Variants in ORC4 observed in about 807,000 individuals in gnomAD.
The protein encoded by ORC4 is origin recognition complex, subunit 4 homolog.
A neutral mutation model predicts 63.9 loss-of-function variants in ORC4; 55 were observed. The ratio of observed to expected loss-of-function variants is 0.86; its 90% CI spans 0.69 to 1.08. The LOEUF is 1.08. Ranked by LOEUF, ORC4 falls within the 50% of genes least tolerant of loss-of-function variation. ORC4 has a pLI of 0.00. For synonymous variants in ORC4, 150 were observed against 168.5 expected, an observed-to-expected ratio of 0.89 and a Z score of 0.85; for missense variants, 511 against 504.4, an observed-to-expected ratio of 1.01 and a Z score of -0.13.
At chr2:148,008,993 C>G (rs1692789793) in intron 1 of ORC4, among the ~76,000 whole-genome samples, 1 of 151,706 alleles carries the variant, frequency 6.6e-6, no homozygotes, top group Non-Finnish European at 1.5e-5. Flanking sequence ...TATATAGAGA[C>G]AAAAAGTCAA....
At chr2:147,977,934 T>C (rs898900868) in intron 1 of ORC4, among the ~76,000 whole-genome samples, 1 of 152,092 alleles carries the variant, frequency 6.6e-6, no homozygotes, top group Non-Finnish European at 1.5e-5. Context: ...CAGTCAAGAC[T>C]TAGGTCTTCA....
At chr2:147,993,820 T>A (rs996986559) in intron 1 of ORC4, among the ~76,000 whole-genome samples, 29 of 152,208 alleles carry the variant, frequency 1.9e-4, no homozygotes, top group African/African-American at 6.5e-4. Flanking sequence ...TAAAAGGCTA[T>A]CAATGGGACA....
chr2:147,960,682 C>G (rs1689540034), intron 4 of ORC4, among the ~76,000 whole-genome samples: 2 of 152,100 alleles, frequency 1.3e-5, no homozygotes, highest in South Asian at 4.1e-4. Context: ...GAGAAATATC[C>G]TATTTAACCA....
intron 13 of ORC4, among the ~76,000 whole-genome samples, chr2:147,935,923 G>GAATGTA (rs1379935205): frequency 1.3e-5 from 2 of 152,094 alleles, no homozygotes; most frequent in Non-Finnish European, 2.9e-5. Flanking sequence ...ATATATTGTT[G>GAATGTA]AATGTAAACA....
At chr2:147,998,826 T>C (rs1355871553) in intron 1 of ORC4, among the ~76,000 whole-genome samples, 1 of 152,092 alleles carries the variant, frequency 6.6e-6, no homozygotes, top group Non-Finnish European at 1.5e-5. Flanking sequence ...TATGGGAGAA[T>C]ATAAGATAAA....
chr2:147,932,239 A>AACTT lies in ORC4; in HGVS notation c.*3267_*3270dup, dbSNP rs1477424430. The AACTT allele has an allele frequency of 1.3e-5, 2 of 151,868 alleles. No homozygotes were observed. Among genetic ancestry groups the AACTT allele is most frequent in the Admixed American group, 6.6e-5 (1 of 15,232 alleles). The allele number at this position is 151,868 out of a possible 1,614,324, so 9.4% of individuals were successfully genotyped here. ...AAGAGAATAAAATACCTAGGAATCC[A>AACTT]ACTTACAAGGGATGTGAAGGACCTC... is the stretch of plus-strand genomic sequence containing the variant. On this transcript the variant is annotated 3_prime_UTR_variant, in exon 14 of 14. Coordinates refer to ENST00000392857, the MANE Select transcript of ORC4 (RefSeq NM_181741.4).
chr2:147,964,837 T>G (rs758181030), intron 4 of ORC4, among the ~76,000 whole-genome samples: 3 of 152,188 alleles, frequency 2.0e-5, no homozygotes, highest in Non-Finnish European at 4.4e-5. Flanking sequence ...CTTGTTTACA[T>G]TTTAGCTGAT....
chr2:147,971,477 T>C (rs544034267), intron 4 of ORC4, among the ~76,000 whole-genome samples: 12 of 151,646 alleles, frequency 7.9e-5, no homozygotes, highest in African/African-American at 1.2e-4. Context: ...TCACCAAACA[T>C]ATATAGATGA....
intron 1 of ORC4, among the ~76,000 whole-genome samples, chr2:148,001,543 A>C (rs1270604108): frequency 6.6e-6 from 1 of 152,218 alleles, no homozygotes; most frequent in Admixed American, 6.5e-5. Context: ...AAAATCCTTT[A>C]TAGACAAGCA....
At chr2:148,014,494 A>AT (rs1693147030) in intron 1 of ORC4, among the ~76,000 whole-genome samples, 1 of 152,132 alleles carries the variant, frequency 6.6e-6, no homozygotes, top group African/African-American at 2.4e-5. Flanking sequence ...TATTCCTATA[A>AT]TTTTTTAAAT....
chr2:148,008,918 C>T lies in ORC4; in HGVS notation c.-18+11715G>A, dbSNP rs1372625824. On this transcript the variant is annotated intron_variant, in intron 1 of 13. Transcript: ENST00000392857. ...TTGTATTCGAGTGCTATTTCTTTTG[C>T]AGCATCGAAACTTTCTATATAACAC... Among the ~76,000 whole-genome samples, 4 of 151,836 alleles carry T rather than the reference C, an allele frequency of 2.6e-5. No individual in the cohort carries two copies. In the East Asian group the frequency reaches 5.8e-4, roughly 22 times the overall value.
intron 6 of ORC4, 46 bp downstream of exon 6, chr2:147,958,252 A>G (rs1260212730): frequency 1.2e-5 from 14 of 1,213,790 alleles, no homozygotes; most frequent in Non-Finnish European, 1.6e-5. Flanking sequence ...GTATAAAGAC[A>G]TTACCTTAAA....
chr2:147,970,393 A>G (rs770802988), intron 4 of ORC4, among the ~76,000 whole-genome samples: 3 of 152,202 alleles, frequency 2.0e-5, no homozygotes, highest in Non-Finnish European at 2.9e-5. Flanking sequence ...ACAATACTGC[A>G]GAAGAACGAG....
intron 8 of ORC4, among the ~76,000 whole-genome samples, chr2:147,951,849 G>C (rs1688976098): frequency 6.6e-6 from 1 of 152,082 alleles, no homozygotes; most frequent in Non-Finnish European, 1.5e-5. Flanking sequence ...GCCTTCACAA[G>C]GCAAAGTGAT....
chr2:147,931,007 T>TC lies in ORC4; in HGVS notation c.*4502dup, dbSNP rs962620889. 3 of 126,110 alleles carry TC rather than the reference T, an allele frequency of 2.4e-5. No homozygotes were observed. The highest frequency in any genetic ancestry group is 3.4e-5 in the Non-Finnish European group (2 of 59,530). The allele number at this position is 126,110 out of a possible 1,614,324, so 7.8% of individuals were successfully genotyped here. ...ATCTCCTAATGCTATCCCTCCCCCA[T>TC]CCCCCCACCCCACAACAGTCCCCAG... On this transcript the variant is annotated 3_prime_UTR_variant, in exon 14 of 14. Coordinates refer to ENST00000392857, the MANE Select transcript of ORC4 (RefSeq NM_181741.4).
intron 1 of ORC4, among the ~76,000 whole-genome samples, chr2:148,008,734 G>C (rs2105456625): frequency 6.6e-6 from 1 of 152,228 alleles, no homozygotes; most frequent in Admixed American, 6.5e-5. Context: ...TCTAACCCCA[G>C]CCAATAGGGG....
intron 1 of ORC4, among the ~76,000 whole-genome samples, chr2:147,990,409 G>A (rs17693310): frequency 0.14 from 20,695 of 152,208 alleles, 1,705 homozygotes; most frequent in Middle Eastern, 0.21. Context: ...CAGTTGGATT[G>A]TTTGTACAGA....
At chr2:148,006,290 T>A (rs149247595) in intron 1 of ORC4, among the ~76,000 whole-genome samples, 155 of 134,454 alleles carry the variant, frequency 1.2e-3, no homozygotes, top group African/African-American at 4.6e-3. Flanking sequence ...AGCTTAGTCC[T>A]GGGCCAGAGA....
intron 1 of ORC4, among the ~76,000 whole-genome samples, chr2:147,984,463 G>C (rs1691073036): frequency 6.6e-6 from 1 of 152,022 alleles, no homozygotes; most frequent in Non-Finnish European, 1.5e-5. Flanking sequence ...CAGTCAAGTA[G>C]GCTATTAACA....
Sources: allele counts gnomAD v4.1 joint callset (sites outside exome capture counted in the v4.1 genomes callset), GRCh38; gene constraint gnomAD v4.1.1; transcripts MANE v1.5; gene names NCBI Gene and HGNC (gene_info 2026-07-23, HGNC 2026-07-21).